The following AAK1 variants were observed in gnomAD, a reference collection of about 807,000 sequenced individuals.
AAK1 encodes AP2 associated kinase 1.
Under a neutral mutation model 116.0 loss-of-function variants are expected in AAK1, and 37 were observed. That is an observed-to-expected ratio of 0.32 (90% CI 0.25 to 0.42). The LOEUF is 0.42. Ranked by LOEUF, AAK1 falls within the 10% of genes least tolerant of loss-of-function variation. The pLI is 1.00. For missense variants in AAK1, 919 were observed against 1,170.6 expected, an observed-to-expected ratio of 0.79 and a Z score of 3.14; for synonymous variants, 458 against 439.9, an observed-to-expected ratio of 1.04 and a Z score of -0.51.
intron 2 of AAK1, among the ~76,000 whole-genome samples, chr2:69,626,491 TA>T (rs1464316543): frequency 6.8e-6 from 1 of 146,538 alleles, no homozygotes; most frequent in African/African-American, 2.7e-5. Context: ...TTAAATTAAT[TA>T]ATTATTATTA....
intron 2 of AAK1, among the ~76,000 whole-genome samples, chr2:69,608,402 C>G (rs1573003023): frequency 6.6e-6 from 1 of 152,230 alleles, no homozygotes; most frequent in East Asian, 1.9e-4. Flanking sequence ...ATGAAGAAGA[C>G]AGAGACTCAC....
rs1244249130 is a variant in AAK1, at chr2:69,472,880, T to C, written c.*2989A>G. On this transcript the variant is annotated 3_prime_UTR_variant, in exon 22 of 22. Transcript: ENST00000409085. ...TACTTAAAAAGGAAAATCTCTAAGATTATGATTTAGGCTTCTATTCAGATA... is the reference window on the plus strand; with the variant it reads ...TACTTAAAAAGGAAAATCTCTAAGACTATGATTTAGGCTTCTATTCAGATA... 7.1e-6 allele frequency: 7 copies of C among 985,692 alleles called. No homozygotes were observed. The highest frequency in any genetic ancestry group is 6.1e-5 in the Admixed American group (1 of 16,270). The allele number at this position is 985,692 out of a possible 1,614,324, so 61.1% of individuals were successfully genotyped here. A position where few individuals can be genotyped will look rare whatever the true frequency, so the allele number is the denominator to read the frequency against.
At chr2:69,592,526 C>T (rs770425894) in intron 2 of AAK1, among the ~76,000 whole-genome samples, 11 of 152,162 alleles carry the variant, frequency 7.2e-5, no homozygotes, top group African/African-American at 9.7e-5. Context: ...TACAACTGTA[C>T]TATAACTTTG....
At chr2:69,532,198 T>A in intron 5 of AAK1, 36 bp from the exon 6 acceptor site, 1 of 1,610,312 alleles carries the variant, frequency 6.2e-7, no homozygotes, top group Non-Finnish European at 8.5e-7. Context: ...TTCCAAGATA[T>A]CATTTAGTAA....
At chr2:69,507,611 G>A in intron 14 of AAK1, 33 bp from the exon 15 acceptor site, 1 of 1,521,752 alleles carries the variant, frequency 6.6e-7, no homozygotes. Context: ...GAAACAAAAA[G>A]ATATAAAAGT....
chr2:69,589,342 G>A (rs1672924758), intron 2 of AAK1, among the ~76,000 whole-genome samples: 1 of 152,196 alleles, frequency 6.6e-6, no homozygotes, highest in African/African-American at 2.4e-5. Flanking sequence ...TCAAGACCTA[G>A]AAAGATCAGC....
chr2:69,494,689 C>T (rs1304389620), intron 17 of AAK1, among the ~76,000 whole-genome samples: 3 of 152,258 alleles, frequency 2.0e-5, no homozygotes, highest in East Asian at 3.9e-4. Context: ...CCAGGCATAC[C>T]TGAAAAGTGC....
rs538807172 is a variant in AAK1, at chr2:69,641,781, A to G, written c.163+1097T>C. On this transcript the variant is annotated intron_variant, in intron 2 of 21. Coordinates refer to ENST00000409085, the MANE Select transcript of AAK1 (RefSeq NM_014911.5). ...AGGCCCCTTTTTAAAGAGGCCTCTT[A>G]GCTTTCTCTCTTCCCTTGCTAATAA... Among the ~76,000 whole-genome samples the G allele has an allele frequency of 2.0e-5, 3 of 152,236 alleles. No homozygotes were observed. The South Asian group carries it at 6.2e-4, about 32-fold the overall frequency.
rs150369717 is a variant in AAK1 at position 69,502,166 on chromosome 2, GAT to G, written c.2269+3401_2269+3402del. 7.2e-4 allele frequency among the ~76,000 whole-genome samples: 109 copies of G among 150,980 alleles called. 1 individual carries two copies. The highest frequency in any genetic ancestry group is 1.0e-3 in the South Asian group (5 of 4,774). ...AAATTAATGTACACAGATATTAAAA[GAT>G]ATATATATATATTGTTGTACTTTAA... On this transcript the variant is annotated intron_variant, in intron 16 of 21. Coordinates refer to ENST00000409085, the MANE Select transcript of AAK1 (RefSeq NM_014911.5).
At chr2:69,581,060 G>A (rs539122267) in intron 2 of AAK1, among the ~76,000 whole-genome samples, 11 of 151,960 alleles carry the variant, frequency 7.2e-5, no homozygotes, top group Non-Finnish European at 1.5e-4. Context: ...TTAATAAGTA[G>A]CTTATGAATT....
rs1245864577 is a variant in AAK1, at chr2:69,507,414, T to C, written c.2164+7A>G. 17 of 1,611,236 alleles carry C rather than the reference T, an allele frequency of 1.1e-5. No individual in the cohort carries two copies. Among genetic ancestry groups the C allele is most frequent in the Non-Finnish European group, 1.3e-5 (15 of 1,178,640 alleles). ...AAGAAGCACAAAAAAAGACACAGCT[T>C]ACTCACCTTCCCCAAGCTTGGCAAA... is the stretch of plus-strand genomic sequence containing the variant. On this transcript the variant is annotated splice_region_variant and intron_variant, in intron 15 of 21. Transcript: ENST00000409085.
intron 10 of AAK1, among the ~76,000 whole-genome samples, chr2:69,522,046 C>T (rs1669808912): frequency 6.6e-6 from 1 of 152,214 alleles, no homozygotes; most frequent in Non-Finnish European, 1.5e-5. Context: ...TCGACACTTT[C>T]AAACTAATAT....
At chr2:69,589,390 G>A (rs75377424) in intron 2 of AAK1, among the ~76,000 whole-genome samples, 4,339 of 152,204 alleles carry the variant, frequency 0.029, 214 homozygotes, top group African/African-American at 0.099. Context: ...CAGAATAGAT[G>A]CAACATTGTA....
chr2:69,593,267 G>A (rs1427233498), intron 2 of AAK1, among the ~76,000 whole-genome samples: 1 of 151,978 alleles, frequency 6.6e-6, no homozygotes, highest in Non-Finnish European at 1.5e-5. Context: ...TTTAGCACTA[G>A]GAAATTGACT....
At position 69,592,010 on chromosome 2, in the gene AAK1, C is replaced by A. The variant is rs147104429; in HGVS notation, c.164-35032G>T. 1.4e-3 allele frequency among the ~76,000 whole-genome samples: 207 copies of A among 152,294 alleles called. 2 individuals are homozygous for A. The highest frequency in any genetic ancestry group is 4.8e-3 in the African/African-American group (199 of 41,570). On this transcript the variant is annotated intron_variant, in intron 2 of 21. Transcript: ENST00000409085. Reference sequence around the variant, plus strand: ...AACTCCCAGTTACCCTCTCCTGGTTCTCCTAGTCCACAGAGAGGTCAATAA... The same window carrying A: ...AACTCCCAGTTACCCTCTCCTGGTTATCCTAGTCCACAGAGAGGTCAATAA...
At chr2:69,596,053 C>T (rs1020012868) in intron 2 of AAK1, among the ~76,000 whole-genome samples, 1 of 152,188 alleles carries the variant, frequency 6.6e-6, no homozygotes, top group African/African-American at 2.4e-5. Flanking sequence ...AAGCCCACTG[C>T]AGACTTACTA....
rs1674582497 is a variant in AAK1, at chr2:69,468,885, A to C, written c.*6984T>G. On this transcript the variant is annotated 3_prime_UTR_variant, in exon 22 of 22. Coordinates refer to ENST00000409085, the MANE Select transcript of AAK1 (RefSeq NM_014911.5). ...TTTTTGGTCGAGAACCCATTTGGAA[A>C]ACCTTCCAACTCAGAGCATATTCTA... 2.0e-6 allele frequency: 2 copies of C among 985,308 alleles called. No homozygotes were observed. Among genetic ancestry groups the C allele is most frequent in the Non-Finnish European group, 2.4e-6 (2 of 829,940 alleles). The allele number at this position is 985,308 out of a possible 1,614,324, so 61.0% of individuals were successfully genotyped here.
Position 69,519,043 on chromosome 2 carries a change from T to C in AAK1, c.1408A>G (p.Lys470Glu). The change falls in exon 12 of 22, where the codon AAG becomes GAG. Residue 470 changes from lysine (K) to glutamate (E), a missense_variant. Physicochemically the swap from Lys to Glu is moderately conservative, Grantham distance 56. Around this residue, in one of 4 missense-constraint regions of AAK1, gnomAD observed 214 missense variants for 210.6 expected, o/e 1.02. Coordinates refer to ENST00000409085, the MANE Select transcript of AAK1 (RefSeq NM_014911.5). ...GGCTGTTGCTGCTGCTGTTGCTGCT[T>C]GAGGAAGAGTTGCTGCTGGTGCTGG... ...TPQHQQQLFLKQQQQQQQPPP... is the reference protein window; with the variant it reads ...TPQHQQQLFLEQQQQQQQPPP... The C allele has an allele frequency of 6.5e-7, 1 of 1,550,180 alleles. No individual in the cohort carries two copies. Among genetic ancestry groups the C allele is most frequent in the Non-Finnish European group, 8.7e-7 (1 of 1,146,140 alleles).
intron 17 of AAK1, among the ~76,000 whole-genome samples, chr2:69,485,900 C>T (rs1675280099): frequency 6.6e-6 from 1 of 151,838 alleles, no homozygotes; most frequent in Non-Finnish European, 1.5e-5. Context: ...CTCAGGTGAT[C>T]CACCCACCTT....
Sources: gnomAD v4.1 joint callset for allele counts (sites outside exome capture counted in the v4.1 genomes callset) on GRCh38, gnomAD v4.1.1 for gene constraint, gnomAD v4.1.1 regional missense constraint, MANE v1.5 for transcripts, NCBI Gene and HGNC (gene_info 2026-07-23, HGNC 2026-07-21) for gene names.